The following ZNF490 variants were observed in gnomAD, a reference collection of about 807,000 sequenced individuals.
The protein encoded by ZNF490 is zinc finger protein 490.
ZNF490 carries 11 observed loss-of-function variants against 17.7 expected under a neutral mutation model. The observed-to-expected ratio is 0.62, with a 90% CI of 0.39 to 1.03. The LOEUF is 1.03. Among genes scored for constraint, ZNF490 ranks in the 50% least tolerant of loss-of-function variants. ZNF490 has a pLI of 0.00. For missense variants in ZNF490, 542 were observed against 643.4 expected (o/e 0.84, Z 1.71); for synonymous variants, 222 against 216.1 (o/e 1.03, Z -0.24).
chr19:12,577,681 G>A lies in ZNF490; in HGVS notation c.*2804C>T, dbSNP rs1268810364. 1.6e-5 allele frequency: 16 copies of A among 985,364 alleles called. No individual in the cohort carries two copies. The highest frequency in any genetic ancestry group is 1.7e-5 in the African/African-American group (1 of 57,242). The allele number at this position is 985,364 out of a possible 1,614,324, so 61.0% of individuals were successfully genotyped here. A position where few individuals can be genotyped will look rare whatever the true frequency, so the allele number is the denominator to read the frequency against. ...GCCTCTGGACCCTAGTATCTTCACC[G>A]TGGTTTTGGATGCTGCCACCTGACC... is the stretch of plus-strand genomic sequence containing the variant. On this transcript the variant is annotated 3_prime_UTR_variant, in exon 5 of 5. Transcript: ENST00000311437.
At chr19:12,584,267 C>T (rs1440698872) in intron 2 of ZNF490, among the ~76,000 whole-genome samples, 1 of 90,898 alleles carries the variant, frequency 1.1e-5, no homozygotes, top group African/African-American at 3.3e-5. Context: ...AGTGATTATC[C>T]TGCCCCAACC....
chr19:12,578,472 G>A lies in ZNF490; in HGVS notation c.*2013C>T, dbSNP rs772249063. 1.0e-6 allele frequency: 1 copy of A among 985,472 alleles called. No individual in the cohort carries two copies. Among genetic ancestry groups the A allele is most frequent in the Non-Finnish European group, 1.2e-6 (1 of 829,964 alleles). 61.0% of individuals were successfully genotyped at this position (985,472 alleles called of 1,614,324 possible). On this transcript the variant is annotated 3_prime_UTR_variant, in exon 5 of 5. Coordinates refer to ENST00000311437, the MANE Select transcript of ZNF490 (RefSeq NM_020714.3). The stretch of plus-strand genomic sequence containing the variant: ...CTCAGAGCCACCTGCGGTTGCCACA[G>A]AGAAATTCAGATGTGAATGTTTAAA...
intron 3 of ZNF490, 99 bp downstream of exon 3, chr19:12,583,331 G>T: frequency 7.1e-7 from 1 of 1,400,146 alleles, no homozygotes; most frequent in Non-Finnish European, 9.6e-7. Context: ...GAGCCACCGT[G>T]CCTGGCCCCT....
At chr19:12,607,278 C>T (rs916115275) in intron 2 of ZNF490, among the ~76,000 whole-genome samples, 13 of 151,440 alleles carry the variant, frequency 8.6e-5, no homozygotes, top group Admixed American at 6.6e-4. Context: ...GCAACCTCCA[C>T]CTTCTGGGTT....
In ZNF490 at chr19:12,597,108, C is replaced by A. The variant is rs1217365183; in HGVS notation, c.162+12050G>T. 5 of 460,508 alleles carry A rather than the reference C, an allele frequency of 1.1e-5. No homozygotes were observed. The East Asian group carries it at 2.1e-4, about 19-fold the overall frequency. 28.5% of individuals were successfully genotyped at this position (460,508 alleles called of 1,614,324 possible). ...CTTCCCATAGCCGGTTCCGACAAGT[C>A]CCCTCCTCAGGTCTCGGGACTCCCG... On this transcript the variant is annotated intron_variant, in intron 2 of 4. Coordinates refer to ENST00000311437, the MANE Select transcript of ZNF490 (RefSeq NM_020714.3).
At position 12,577,711 on chromosome 19, in the gene ZNF490, C is replaced by T; in HGVS notation, c.*2774G>A. 7 of 985,516 alleles carry T rather than the reference C, an allele frequency of 7.1e-6. No homozygotes were observed. The highest frequency in any genetic ancestry group is 8.4e-6 in the Non-Finnish European group (7 of 830,024). 61.0% of individuals were successfully genotyped at this position (985,516 alleles called of 1,614,324 possible). A position where few individuals can be genotyped will look rare whatever the true frequency, so the allele number is the denominator to read the frequency against. ...TTTGGATGCTGCCACCTGACCCATC[C>T]CTGCTGTTGGGGGAGGGTGGAGGCC... On this transcript the variant is annotated 3_prime_UTR_variant, in exon 5 of 5. Transcript: ENST00000311437.
rs187754525 is a variant in ZNF490 at position 12,581,662 on chromosome 19, C to T, written c.413G>A (p.Ser138Asn). Residue 138 changes from serine to asparagine, a missense_variant, in exon 5 of 5, where the codon AGC (serine) becomes AAC (asparagine). Coordinates refer to ENST00000311437, the MANE Select transcript of ZNF490 (RefSeq NM_020714.3). ...GTTCGTATTAAGATCAGGAATCTGG[C>T]TAGTGCTTTTTCCACATGGACAATC... ...KEDCPCGKSTSQIPDLNTNLE... is the reference protein window; with the variant it reads ...KEDCPCGKSTNQIPDLNTNLE... The T allele has an allele frequency of 2.2e-4, 362 of 1,614,112 alleles. No individual in the cohort carries two copies. The highest frequency in any genetic ancestry group is 4.5e-4 in the Admixed American group (27 of 60,004).
chr19:12,605,376 G>T (rs946827996), intron 2 of ZNF490, among the ~76,000 whole-genome samples: 30 of 151,858 alleles, frequency 2.0e-4, no homozygotes, highest in Non-Finnish European at 4.4e-4. Context: ...AGCTACTTGC[G>T]GGGCTGATGA....
At chr19:12,607,122 T>C (rs1201448240) in intron 2 of ZNF490, among the ~76,000 whole-genome samples, 3 of 152,102 alleles carry the variant, frequency 2.0e-5, no homozygotes, top group Admixed American at 6.6e-5. Flanking sequence ...GGAGGATCAC[T>C]TGAGTCCAGG....
In ZNF490 at chr19:12,581,712, A is replaced by G. The variant is rs777179905; in HGVS notation, c.363T>C (p.Val121=). 36 of 1,609,330 alleles carry G rather than the reference A, an allele frequency of 2.2e-5. No homozygotes were observed. In the African/African-American group the frequency reaches 4.6e-4, roughly 20 times the overall value. The change falls in exon 5 of 5, where the codon GTT becomes GTC. Residue 121 remains valine (V), a synonymous_variant. Coordinates refer to ENST00000311437, the MANE Select transcript of ZNF490 (RefSeq NM_020714.3). ...CTTCTTTATTTTCACAGAGTGCTTC[A>G]ACCATAGGACTTCTGTAAAGAATGA... ...NQGRNLRSPM[V]EALCENKEDC...
intron 2 of ZNF490, among the ~76,000 whole-genome samples, chr19:12,599,582 C>T (rs2022977261): frequency 6.6e-6 from 1 of 152,160 alleles, no homozygotes; most frequent in South Asian, 2.1e-4. Context: ...AGGCTCCCCA[C>T]CTGGTCCATA....
In ZNF490 at chr19:12,608,457, G is replaced by T. The variant is rs1321687489; in HGVS notation, c.162+701C>A. Among the ~76,000 whole-genome samples the T allele has an allele frequency of 4.0e-5, 6 of 149,550 alleles. No homozygotes were observed. In the South Asian group the frequency reaches 6.4e-4, roughly 16 times the overall value. Reference sequence around the variant, plus strand: ...TAATTTTTTATCTTTATTTATTTATGTATTTATTTATTTATTTATTTATTT... The same window carrying T: ...TAATTTTTTATCTTTATTTATTTATTTATTTATTTATTTATTTATTTATTT... On this transcript the variant is annotated intron_variant, in intron 2 of 4. Coordinates refer to ENST00000311437, the MANE Select transcript of ZNF490 (RefSeq NM_020714.3).
intron 2 of ZNF490, among the ~76,000 whole-genome samples, 198 bp from the exon 3 acceptor site, chr19:12,583,754 G>GCTCTCTCTCT (rs772203523): frequency 2.8e-5 from 2 of 70,558 alleles, no homozygotes; most frequent in African/African-American, 1.1e-4. Context: ...AAAAATTATT[G>GCTCTCTCTCT]CGCTCTCTCT....
chr19:12,583,801 A>C (rs1332231557), intron 2 of ZNF490, among the ~76,000 whole-genome samples: 3 of 113,712 alleles, frequency 2.6e-5, no homozygotes, highest in South Asian at 2.8e-4. Context: ...CTATATATAT[A>C]TATATATATA....
chr19:12,583,186 C>A (rs979280672), intron 3 of ZNF490, among the ~76,000 whole-genome samples: 1 of 152,042 alleles, frequency 6.6e-6, no homozygotes, highest in African/African-American at 2.4e-5. Flanking sequence ...GAATTACAGG[C>A]ACCTGCCACC....
chr19:12,602,079 TACACACACACACACACACACACACAC>T (rs61568541), intron 2 of ZNF490, among the ~76,000 whole-genome samples: 1 of 68,596 alleles, frequency 1.5e-5, no homozygotes, highest in Non-Finnish European at 4.0e-5. Context: ...GTTCACTATA[TACACACACACACACACACACACACAC>T]ACACACACAC....
chr19:12,589,367 G>T, intron 2 of ZNF490, among the ~76,000 whole-genome samples: 1 of 151,790 alleles, frequency 6.6e-6, no homozygotes, highest in Non-Finnish European at 1.5e-5. Context: ...AAAAAAAATA[G>T]ATAGAGAAAA....
chr19:12,605,836 A>G (rs1383564757), intron 2 of ZNF490, among the ~76,000 whole-genome samples: 1 of 152,078 alleles, frequency 6.6e-6, no homozygotes, highest in East Asian at 1.9e-4. Context: ...TGGTTTTCCT[A>G]TCCCTTTAAG....
In ZNF490 at chr19:12,576,229, C is replaced by G. The variant is rs8106811; in HGVS notation, c.*4256G>C. Among the ~76,000 whole-genome samples, 106 of 152,232 alleles carry G rather than the reference C, an allele frequency of 7.0e-4. No homozygotes were observed. Among genetic ancestry groups the G allele is most frequent in the African/African-American group, 2.4e-3 (100 of 41,528 alleles). On this transcript the variant is annotated 3_prime_UTR_variant, in exon 5 of 5. Coordinates refer to ENST00000311437, the MANE Select transcript of ZNF490 (RefSeq NM_020714.3). ...GGCAAGAAAATGCAAGCATTCCAGC[C>G]GGGCCTGGTGGCTCAAGCCTCTAAT...
Sources: gnomAD v4.1 joint callset for allele counts (sites outside exome capture counted in the v4.1 genomes callset) on GRCh38, gnomAD v4.1.1 for gene constraint, MANE v1.5 for transcripts, NCBI Gene and HGNC (gene_info 2026-07-23, HGNC 2026-07-21) for gene names.